The following SVOPL variants were observed in gnomAD, a reference collection of about 807,000 sequenced individuals.
SVOPL encodes the protein SVOP like, also known as putative transporter SVOPL.
Under a neutral mutation model 61.0 loss-of-function variants are expected in SVOPL, and 60 were observed. The ratio of observed to expected loss-of-function variants is 0.98; its 90% CI spans 0.80 to 1.22. The LOEUF (loss-of-function observed/expected upper bound fraction) is 1.22, where lower values mean the gene tolerates loss of function less well. SVOPL is among the 50% of genes most tolerant of loss of function. The probability of loss-of-function intolerance (pLI) is 0.00; values close to 1 mark genes in which losing one functional copy is unlikely to be tolerated. For synonymous variants in SVOPL, 279 were observed against 250.0 expected (o/e 1.12, Z -1.09); for missense variants, 662 against 643.9 (o/e 1.03, Z -0.30).
At chr7:138,607,534 G>C (rs1798811871) in intron 14 of SVOPL, among the ~76,000 whole-genome samples, 1 of 152,134 alleles carries the variant, frequency 6.6e-6, no homozygotes, top group Non-Finnish European at 1.5e-5. Flanking sequence ...GCAGGTCAAA[G>C]GTCAGGTGAG....
intron 9 of SVOPL, among the ~76,000 whole-genome samples, chr7:138,633,101 TAGGA>T (rs1357478104): frequency 2.6e-5 from 4 of 152,114 alleles, no homozygotes; most frequent in Non-Finnish European, 5.9e-5. Flanking sequence ...AGTATCTCAG[TAGGA>T]AGGAAGAAGT....
chr7:138,654,494 G>A (rs1297159038), intron 7 of SVOPL, among the ~76,000 whole-genome samples: 1 of 121,026 alleles, frequency 8.3e-6, no homozygotes, highest in Non-Finnish European at 1.7e-5. Flanking sequence ...ATGGTTTACT[G>A]AGTTTGTTTT....
intron 3 of SVOPL, among the ~76,000 whole-genome samples, chr7:138,675,735 A>G (rs76800028): frequency 0.022 from 3,311 of 151,978 alleles, 120 homozygotes; most frequent in African/African-American, 0.077. Context: ...CCTCCCTCCT[A>G]TGTATTTTTA....
chr7:138,640,221 C>CT (rs34885728), intron 9 of SVOPL, among the ~76,000 whole-genome samples: 121,581 of 149,868 alleles, frequency 0.81, 50,190 homozygotes, highest in East Asian at 0.95. Context: ...TTTTTTTTAA[C>CT]TTTTTTTTTT....
At chr7:138,648,279 C>T (rs765037143) in intron 8 of SVOPL, among the ~76,000 whole-genome samples, 102 of 152,060 alleles carry the variant, frequency 6.7e-4, no homozygotes, top group Non-Finnish European at 1.0e-3. Context: ...GAGGGCTGCC[C>T]GCTGGTTGAG....
At chr7:138,614,659 G>A (rs922496157) in intron 14 of SVOPL, among the ~76,000 whole-genome samples, 4 of 152,104 alleles carry the variant, frequency 2.6e-5, no homozygotes, top group African/African-American at 9.7e-5. Flanking sequence ...GCCTCCCAAA[G>A]TGTTAGGATT....
intron 13 of SVOPL, among the ~76,000 whole-genome samples, chr7:138,621,839 T>C: frequency 6.8e-6 from 1 of 147,374 alleles, no homozygotes; most frequent in Non-Finnish European, 1.5e-5. Flanking sequence ...TGTATCTATC[T>C]ATCTATGTAT....
At chr7:138,622,222 G>C (rs6966871) in intron 13 of SVOPL, among the ~76,000 whole-genome samples, 34,307 of 62,034 alleles carry the variant, frequency 0.55, 7,816 homozygotes, top group East Asian at 0.7. Context: ...ATCTATCTAT[G>C]TATCTATCTA....
At chr7:138,697,684 G>GAGGAAGAAGAAA in intron 1 of SVOPL, among the ~76,000 whole-genome samples, 1 of 148,496 alleles carries the variant, frequency 6.7e-6, no homozygotes, top group African/African-American at 2.5e-5. Context: ...AGGAAAAGAA[G>GAGGAAGAAGAAA]AGGAAGAAGA....
chr7:138,594,938 T>A (rs1247013576), intron 15 of SVOPL, among the ~76,000 whole-genome samples: 1 of 148,330 alleles, frequency 6.7e-6, no homozygotes, highest in Non-Finnish European at 1.5e-5. Context: ...TTTTTTTTTT[T>A]AGAGACAGGG....
chr7:138,696,318 C>T (rs1183341676), intron 1 of SVOPL, among the ~76,000 whole-genome samples: 1 of 152,030 alleles, frequency 6.6e-6, no homozygotes, highest in Non-Finnish European at 1.5e-5. Flanking sequence ...TCAACCTCCT[C>T]CTCCTGGGCT....
At chr7:138,637,493 T>G (rs1250586624) in intron 9 of SVOPL, among the ~76,000 whole-genome samples, 4 of 18,432 alleles carry the variant, frequency 2.2e-4, no homozygotes, top group African/African-American at 9.5e-4. Context: ...TATAGATAGA[T>G]ATATATATAT....
rs1446312723 is a variant in SVOPL at position 138,678,459 on chromosome 7, A to C, written c.149T>G (p.Leu50Arg). Reference sequence around the variant, plus strand: ...CCCAGTACTGCCCATGATCAGAAAGAGGGCAATGTGGAAACGCCCGAAGCC... The same window carrying C: ...CCCAGTACTGCCCATGATCAGAAAGCGGGCAATGTGGAAACGCCCGAAGCC... Reference protein sequence around the residue: ...TIGFGRFHIALFLIMGSTGVV... With the variant: ...TIGFGRFHIARFLIMGSTGVV... Residue 50 changes from leucine (L) to arginine (R), a missense_variant, in exon 3 of 16, where the codon CTC becomes CGC. Leu to Arg is a moderately radical substitution (Grantham distance 102, BLOSUM62 -2). Transcript: ENST00000674285. 24 of 1,551,898 alleles carry C rather than the reference A, an allele frequency of 1.5e-5. No homozygotes were observed. Among genetic ancestry groups the C allele is most frequent in the Non-Finnish European group, 1.7e-5 (20 of 1,147,048 alleles).
At chr7:138,615,774 G>A (rs921450689) in intron 14 of SVOPL, among the ~76,000 whole-genome samples, 1 of 146,996 alleles carries the variant, frequency 6.8e-6, no homozygotes, top group Non-Finnish European at 1.5e-5. Flanking sequence ...CAGCCTGGGC[G>A]ACAGAGTGAG....
At chr7:138,653,363 G>A (rs181201523) in intron 7 of SVOPL, among the ~76,000 whole-genome samples, 38 of 152,238 alleles carry the variant, frequency 2.5e-4, no homozygotes, top group African/African-American at 8.4e-4. Flanking sequence ...GGACATTCAC[G>A]GCTACAGAGG....
intron 1 of SVOPL, among the ~76,000 whole-genome samples, chr7:138,693,530 A>AAAGAAAG (rs1370042101): frequency 1.7e-4 from 1 of 5,808 alleles, no homozygotes; most frequent in Non-Finnish European, 3.6e-4. Context: ...AAAGAAAGAA[A>AAAGAAAG]AAGAAAGAAA....
chr7:138,641,838 T>TATATATATATATATATAAC (rs1563112260), intron 9 of SVOPL, among the ~76,000 whole-genome samples: 1 of 133,000 alleles, frequency 7.5e-6, no homozygotes, highest in South Asian at 2.4e-4. Context: ...ATATATAACA[T>TATATATATATATATATAAC]ATATATATAA....
intron 7 of SVOPL, among the ~76,000 whole-genome samples, chr7:138,649,833 GTTGT>G (rs141354693): frequency 0.098 from 14,837 of 152,016 alleles, 940 homozygotes; most frequent in Non-Finnish European, 0.14. Flanking sequence ...GAAAAAAAAG[GTTGT>G]TTGTTTGTTT....
chr7:138,669,230 T>C (rs1480872034), intron 4 of SVOPL, among the ~76,000 whole-genome samples: 1 of 152,134 alleles, frequency 6.6e-6, no homozygotes, highest in African/African-American at 2.4e-5. Context: ...GCAGGAGGAT[T>C]GCTTGAGGCC....
Sources: allele counts gnomAD v4.1 joint callset (sites outside exome capture counted in the v4.1 genomes callset), GRCh38; gene constraint gnomAD v4.1.1; transcripts MANE v1.5; gene names NCBI Gene and HGNC (gene_info 2026-07-23, HGNC 2026-07-21).